The following CASS4 variants were observed in gnomAD, a reference collection of about 807,000 sequenced individuals.
The protein encoded by CASS4 is cas scaffolding protein family member 4.
Under a neutral mutation model 54.2 loss-of-function variants are expected in CASS4, and 22 were observed. That is an observed-to-expected ratio of 0.41 (90% CI 0.29 to 0.58). The LOEUF is 0.58. CASS4 is among the 20% of genes least tolerant of loss of function. The probability of loss-of-function intolerance (pLI) is 0.36; values close to 1 mark genes in which losing one functional copy is unlikely to be tolerated. For synonymous variants in CASS4, 409 were observed against 391.5 expected, an observed-to-expected ratio of 1.04 and a Z score of -0.53; for missense variants, 854 against 986.7, an observed-to-expected ratio of 0.87 and a Z score of 1.80.
At chr20:56,454,296 A>C (rs761379446) in intron 5 of CASS4, among the ~76,000 whole-genome samples, 1 of 152,260 alleles carries the variant, frequency 6.6e-6, no homozygotes, top group Non-Finnish European at 1.5e-5. Flanking sequence ...GAGGCCCAGA[A>C]GTCACTTGGG....
intron 2 of CASS4, among the ~76,000 whole-genome samples, chr20:56,438,218 A>G (rs1014715068): frequency 1.8e-4 from 28 of 151,986 alleles, no homozygotes; most frequent in African/African-American, 6.5e-4. Context: ...TGAGCCCAGG[A>G]AGTCGAGGCT....
intron 1 of CASS4, among the ~76,000 whole-genome samples, chr20:56,426,469 G>A (rs1307146046): frequency 2.0e-5 from 3 of 152,128 alleles, no homozygotes; most frequent in Non-Finnish European, 2.9e-5. Flanking sequence ...CTCCTTTCAG[G>A]GCGAACAGAA....
chr20:56,436,745 G>A (rs890198646), intron 1 of CASS4, among the ~76,000 whole-genome samples: 4 of 152,136 alleles, frequency 2.6e-5, no homozygotes, highest in African/African-American at 4.8e-5. Flanking sequence ...AATTTAGCCC[G>A]GGGTGGCGGC....
chr20:56,421,817 C>T (rs1186885329), intron 1 of CASS4, among the ~76,000 whole-genome samples: 1 of 150,824 alleles, frequency 6.6e-6, no homozygotes, highest in Non-Finnish European at 1.5e-5. Flanking sequence ...TGCCTTTCCT[C>T]ACTTTTTTCC....
intron 3 of CASS4, among the ~76,000 whole-genome samples, chr20:56,449,585 A>G (rs1980894657): frequency 6.6e-6 from 1 of 152,164 alleles, no homozygotes; most frequent in Admixed American, 6.5e-5. Context: ...CGTTGTGCAC[A>G]TGTACCTTAG....
intron 1 of CASS4, among the ~76,000 whole-genome samples, chr20:56,413,585 A>T (rs1234503045): frequency 6.7e-6 from 1 of 149,634 alleles, no homozygotes; most frequent in African/African-American, 2.5e-5. Flanking sequence ...AGGCACAAGA[A>T]TCGCTTGAGC....
chr20:56,449,673 T>C (rs1980899873), intron 3 of CASS4, among the ~76,000 whole-genome samples: 1 of 151,456 alleles, frequency 6.6e-6, no homozygotes, highest in Non-Finnish European at 1.5e-5. Flanking sequence ...AATAATAAAA[T>C]AAAATAAAAT....
intron 3 of CASS4, among the ~76,000 whole-genome samples, chr20:56,447,201 C>A (rs542591440): frequency 7.4e-6 from 1 of 135,970 alleles, no homozygotes; most frequent in South Asian, 2.2e-4. Context: ...GAGCAAGACT[C>A]TGTCTGAAAA....
chr20:56,436,550 C>T (rs1311259115), intron 1 of CASS4, among the ~76,000 whole-genome samples: 1 of 151,936 alleles, frequency 6.6e-6, no homozygotes, highest in East Asian at 1.9e-4. Flanking sequence ...AACTGAGGCT[C>T]TAATAGGGTA....
At chr20:56,420,301 G>T (rs1979351239) in intron 1 of CASS4, among the ~76,000 whole-genome samples, 1 of 152,160 alleles carries the variant, frequency 6.6e-6, no homozygotes, top group African/African-American at 2.4e-5. Flanking sequence ...GGGGGCAAAA[G>T]AGCAGTAGGG....
chr20:56,450,671 C>G lies in CASS4; in HGVS notation c.634C>G (p.Gln212Glu). 1 of 1,613,982 alleles carries G rather than the reference C, an allele frequency of 6.2e-7. No homozygotes were observed. The highest frequency in any genetic ancestry group is 2.2e-5 in the East Asian group (1 of 44,878). The change falls in exon 4 of 6, where the codon CAA (glutamine) becomes GAA (glutamate). Residue 212 changes from glutamine (Q) to glutamate (E), a missense_variant. Coordinates refer to ENST00000679887, the MANE Select transcript of CASS4 (RefSeq NM_020356.4). Reference sequence around the variant, plus strand: ...GGCAGGACTCCATCCCCCAGACAGCCAAGCAAGTGTAAGTATGAAGAGGTG... The same window carrying G: ...GGCAGGACTCCATCCCCCAGACAGCGAAGCAAGTGTAAGTATGAAGAGGTG... The part of the protein sequence containing the change: ...KKAGLHPPDS[Q>E]ASGQGVPLIS...
At chr20:56,444,883 G>A (rs1980630348) in intron 2 of CASS4, among the ~76,000 whole-genome samples, 1 of 152,142 alleles carries the variant, frequency 6.6e-6, no homozygotes, top group Admixed American at 6.5e-5. Flanking sequence ...GGCCAATGTG[G>A]GCAGATCACC....
At chr20:56,434,974 T>G (rs1421199632) in intron 1 of CASS4, among the ~76,000 whole-genome samples, 1 of 152,252 alleles carries the variant, frequency 6.6e-6, no homozygotes, top group Non-Finnish European at 1.5e-5. Context: ...TTTTTACTTT[T>G]TCTTTAATGA....
rs1181542034 is a variant in CASS4 at position 56,451,958 on chromosome 20, C to T, written c.782C>T (p.Thr261Ile). 6.2e-7 allele frequency: 1 copy of T among 1,614,212 alleles called. No homozygotes were observed. Among genetic ancestry groups the T allele is most frequent in the African/African-American group, 1.3e-5 (1 of 75,050 alleles). The change falls in exon 5 of 6, where the codon ACC (threonine) becomes ATC (isoleucine). Residue 261 changes from threonine (T) to isoleucine (I), a missense_variant. Thr to Ile is a moderately conservative substitution (Grantham distance 89). Coordinates refer to ENST00000679887, the MANE Select transcript of CASS4 (RefSeq NM_020356.4). The stretch of plus-strand genomic sequence containing the variant: ...GCCAGCGTCAGAAACACGCCTCTCA[C>T]CAGCTTTGCGGAAGAATCAAGGCCC... ...GKASVRNTPL[T>I]SFAEESRPHA...
chr20:56,444,888 ATCACCTAAGG>A (rs1303818730), intron 2 of CASS4, among the ~76,000 whole-genome samples: 1 of 152,198 alleles, frequency 6.6e-6, no homozygotes, highest in Non-Finnish European at 1.5e-5. Context: ...ATGTGGGCAG[ATCACCTAAGG>A]TCGGGAGTTC....
Position 56,453,096 on chromosome 20 carries a change from A to C in CASS4, c.1920A>C (p.Leu640=), listed in dbSNP as rs780438181. The C allele has an allele frequency of 6.2e-7, 1 of 1,613,912 alleles. No individual in the cohort carries two copies. The highest frequency in any genetic ancestry group is 1.3e-5 in the African/African-American group (1 of 75,050). Residue 640 remains leucine, a synonymous_variant, in exon 5 of 6, where the codon CTA becomes CTC. Transcript: ENST00000679887. The part of the protein sequence containing the change: ...KQREDEHSSE[L]LKKNRANICG... ...GGGAAGATGAACACTCTTCTGAACT[A>C]TTAAAGAAAAATAGGGCAAATATCT...
rs950832531 is a variant in CASS4 at position 56,452,932 on chromosome 20, C to T, written c.1756C>T (p.Leu586Phe). 6.2e-6 allele frequency: 10 copies of T among 1,613,992 alleles called. No homozygotes were observed. The highest frequency in any genetic ancestry group is 8.5e-6 in the Non-Finnish European group (10 of 1,180,016). The part of the protein sequence containing the change: ...FASIVIANGR[L>F]LFKRNCEKEE... ...CTCCATTGTCATTGCCAATGGAAGG[C>T]TCCTTTTTAAGCGGAACTGTGAAAA... The change falls in exon 5 of 6, where the codon CTC becomes TTC. Residue 586 changes from leucine (L) to phenylalanine (F), a missense_variant. By Grantham distance (22) the Leu-to-Phe change is conservative. Transcript: ENST00000679887.
Position 56,452,170 on chromosome 20 carries a change from C to T in CASS4, c.994C>T (p.Pro332Ser), listed in dbSNP as rs867712425. Residue 332 changes from proline to serine, a missense_variant, in exon 5 of 6, where the codon CCT becomes TCT. Transcript: ENST00000679887. ...GGATGAAGATGTCAGCTACAAGGTT[C>T]CTTCAAGCTTTCTGATTCCCCGAGT... is the stretch of plus-strand genomic sequence containing the variant. ...PLDEDVSYKV[P>S]SSFLIPRVEQ... is the part of the protein sequence containing the mutation. 1 of 1,614,190 alleles carries T rather than the reference C, an allele frequency of 6.2e-7. No individual in the cohort carries two copies. Among genetic ancestry groups the T allele is most frequent in the African/African-American group, 1.3e-5 (1 of 75,034 alleles).
intron 2 of CASS4, among the ~76,000 whole-genome samples, chr20:56,438,497 TA>T (rs1181998811): frequency 6.6e-6 from 1 of 152,054 alleles, no homozygotes; most frequent in Non-Finnish European, 1.5e-5. Flanking sequence ...TGCAGTTGTT[TA>T]AAAAAAGAAT....
Sources: gnomAD v4.1 joint callset for allele counts (sites outside exome capture counted in the v4.1 genomes callset) on GRCh38, gnomAD v4.1.1 for gene constraint, MANE v1.5 for transcripts, NCBI Gene and HGNC (gene_info 2026-07-23, HGNC 2026-07-21) for gene names.